LRP1B: variants seen among roughly 807,000 people sequenced by gnomAD.
The protein encoded by LRP1B is low-density lipoprotein receptor-related protein 1B.
LRP1B carries 217 observed loss-of-function variants against 556.6 expected under a neutral mutation model. That is an observed-to-expected ratio of 0.39 (90% CI 0.35 to 0.44). The LOEUF (loss-of-function observed/expected upper bound fraction) is 0.44. LRP1B is among the 20% of genes least tolerant of loss of function. The pLI, the probability that LRP1B is intolerant of heterozygous loss-of-function variation, is 1.00. For synonymous variants in LRP1B, 2,047 were observed against 1,865.8 expected (o/e 1.10, Z -2.50); for missense variants, 5,053 against 5,620.8 (o/e 0.90, Z 3.23).
At chr2:140,265,144 G>A (rs1553435662) in intron 86 of LRP1B, among the ~76,000 whole-genome samples, 1 of 151,992 alleles carries the variant, frequency 6.6e-6, no homozygotes, top group Non-Finnish European at 1.5e-5. Flanking sequence ...TCTAACACTA[G>A]GGAAAAAATC....
intron 43 of LRP1B, among the ~76,000 whole-genome samples, chr2:140,555,608 G>A (rs989637667): frequency 2.0e-5 from 3 of 151,972 alleles, no homozygotes; most frequent in Admixed American, 6.6e-5. Flanking sequence ...AAATAAGTTG[G>A]TTTAGACCTG....
chr2:141,180,987 T>A (rs764014998), intron 7 of LRP1B, among the ~76,000 whole-genome samples: 2 of 151,962 alleles, frequency 1.3e-5, no homozygotes, highest in African/African-American at 4.8e-5. Flanking sequence ...TGTTAGACCA[T>A]AACTGATTTT....
intron 3 of LRP1B, among the ~76,000 whole-genome samples, chr2:141,436,069 T>C (rs1680754046): frequency 6.6e-6 from 1 of 152,222 alleles, no homozygotes; most frequent in African/African-American, 2.4e-5. Flanking sequence ...CCACAGACTC[T>C]TTCTGTTCTT....
intron 3 of LRP1B, among the ~76,000 whole-genome samples, chr2:141,407,264 G>T (rs141055951): frequency 7.4e-4 from 113 of 152,146 alleles, no homozygotes; most frequent in Admixed American, 1.6e-3. Context: ...TAAAATAATA[G>T]AAATGTTAAG....
At chr2:141,159,228 ATCT>A (rs1388038319) in intron 7 of LRP1B, among the ~76,000 whole-genome samples, 3 of 152,156 alleles carry the variant, frequency 2.0e-5, no homozygotes, top group Non-Finnish European at 1.5e-5. Context: ...ACTCAGAGTG[ATCT>A]TCTTCATTTA....
At chr2:141,080,966 A>C (rs1449240724) in intron 7 of LRP1B, among the ~76,000 whole-genome samples, 1 of 152,150 alleles carries the variant, frequency 6.6e-6, no homozygotes, top group Non-Finnish European at 1.5e-5. Context: ...TCAGGTAGCT[A>C]GAACCACAGG....
At chr2:141,656,516 C>G (rs893916355) in intron 2 of LRP1B, among the ~76,000 whole-genome samples, 9 of 151,982 alleles carry the variant, frequency 5.9e-5, no homozygotes, top group African/African-American at 1.9e-4. Context: ...TGTTTCAAAC[C>G]AAAGAACATT....
At chr2:140,994,163 G>C (rs1488852431) in intron 15 of LRP1B, 28 bp from the exon 16 acceptor site, 2 of 1,599,592 alleles carry the variant, frequency 1.3e-6, no homozygotes, top group South Asian at 1.1e-5. Context: ...CAAGGTATAT[G>C]AATAATGCTA....
intron 1 of LRP1B, among the ~76,000 whole-genome samples, chr2:141,881,276 G>A (rs956439222): frequency 6.6e-6 from 1 of 152,030 alleles, no homozygotes; most frequent in Non-Finnish European, 1.5e-5. Context: ...ATAAATGTGG[G>A]TTTAATGTAT....
intron 60 of LRP1B, among the ~76,000 whole-genome samples, chr2:140,461,513 C>T (rs1687317821): frequency 1.3e-5 from 2 of 152,052 alleles, no homozygotes; most frequent in East Asian, 1.9e-4. Context: ...TTACTTTATG[C>T]CCAGCAATCA....
At chr2:140,482,147 A>C (rs3924456) in intron 59 of LRP1B, among the ~76,000 whole-genome samples, 8,911 of 124,812 alleles carry the variant, frequency 0.071, 331 homozygotes, top group African/African-American at 0.084. Context: ...GGGACCATGC[A>C]TTTTATTTTA....
At chr2:140,941,318 A>T (rs1695395772) in intron 20 of LRP1B, among the ~76,000 whole-genome samples, 2 of 152,136 alleles carry the variant, frequency 1.3e-5, no homozygotes, top group Non-Finnish European at 2.9e-5. Context: ...GAGGAAACAA[A>T]ATATTGAGTA....
chr2:141,917,216 A>T (rs901213467), intron 1 of LRP1B, among the ~76,000 whole-genome samples: 1 of 152,208 alleles, frequency 6.6e-6, no homozygotes, highest in Admixed American at 6.5e-5. Context: ...AGCTTAATTC[A>T]GTTGTCAGCA....
At chr2:141,989,438 A>G (rs1702284042) in intron 1 of LRP1B, among the ~76,000 whole-genome samples, 1 of 152,098 alleles carries the variant, frequency 6.6e-6, no homozygotes, top group Non-Finnish European at 1.5e-5. Context: ...TCACTAAGAT[A>G]CAGATCTGGA....
At position 140,375,173 on chromosome 2, in the gene LRP1B, ATGTGTGTGTGTG is replaced by A. The variant is rs34597866; in HGVS notation, c.10639-2048_10639-2037del. ...ACTCATTGATTTTTATACTGTGTGTATGTGTGTGTGTGTGTGTGTGTGTGTGTGTGTGTGTTT... is the reference window on the plus strand; with the variant it reads ...ACTCATTGATTTTTATACTGTGTGTATGTGTGTGTGTGTGTGTGTGTGTTT... On this transcript the variant is annotated intron_variant, in intron 68 of 90. Coordinates refer to ENST00000389484, the MANE Select transcript of LRP1B (RefSeq NM_018557.3). Among the ~76,000 whole-genome samples the A allele has an allele frequency of 1.9e-3, 270 of 144,218 alleles. 4 individuals are homozygous for A. Among genetic ancestry groups the A allele is most frequent in the African/African-American group, 2.1e-3 (82 of 39,586 alleles). The allele number at this position is 144,218 out of a possible 152,430, so 94.6% of individuals were successfully genotyped here.
chr2:142,106,588 T>C (rs979087116), intron 1 of LRP1B, among the ~76,000 whole-genome samples: 1 of 152,158 alleles, frequency 6.6e-6, no homozygotes, highest in Non-Finnish European at 1.5e-5. Flanking sequence ...ATAAAATATA[T>C]CAGATTTTAA....
intron 41 of LRP1B, among the ~76,000 whole-genome samples, chr2:140,684,710 AT>A (rs1685987485): frequency 1.3e-5 from 2 of 152,316 alleles, no homozygotes; most frequent in African/African-American, 4.8e-5. Context: ...TGATATAGAC[AT>A]TCTTGTATTT....
chr2:140,337,171 C>T (rs564768061), intron 77 of LRP1B, among the ~76,000 whole-genome samples: 11 of 151,930 alleles, frequency 7.2e-5, no homozygotes, highest in South Asian at 4.1e-4. Context: ...ACTGGGATCT[C>T]AAGGAAAATA....
intron 1 of LRP1B, among the ~76,000 whole-genome samples, chr2:141,985,861 G>A (rs1161695027): frequency 6.6e-6 from 1 of 151,788 alleles, no homozygotes; most frequent in African/African-American, 2.4e-5. Context: ...AAAATGATTT[G>A]CAACTCTAAT....
Sources: allele counts gnomAD v4.1 joint callset (sites outside exome capture counted in the v4.1 genomes callset), GRCh38; gene constraint gnomAD v4.1.1; transcripts MANE v1.5; gene names NCBI Gene and HGNC (gene_info 2026-07-23, HGNC 2026-07-21).